FARP1: variants seen among roughly 807,000 people sequenced by gnomAD.
The protein encoded by FARP1 is FERM, ARH/RhoGEF and pleckstrin domain protein 1.
FARP1 carries 52 observed loss-of-function variants against 128.8 expected under a neutral mutation model. The ratio of observed to expected loss-of-function variants is 0.40; its 90% CI spans 0.32 to 0.51. The LOEUF (loss-of-function observed/expected upper bound fraction) is 0.51. Among genes scored for constraint, FARP1 ranks in the 20% least tolerant of loss-of-function variants. FARP1 has a pLI of 0.45. For missense variants in FARP1, 1,333 were observed against 1,367.9 expected (o/e 0.97, Z 0.40); for synonymous variants, 580 against 551.8 (o/e 1.05, Z -0.72).
chr13:98,331,182 C>A (rs1887493465), intron 2 of FARP1, among the ~76,000 whole-genome samples: 1 of 152,190 alleles, frequency 6.6e-6, no homozygotes, highest in African/African-American at 2.4e-5. Context: ...CTTAGTAATT[C>A]ATAATCTTTT....
intron 5 of FARP1, among the ~76,000 whole-genome samples, chr13:98,369,353 C>CTTTT (rs35605642): frequency 7.2e-6 from 1 of 139,106 alleles, no homozygotes; most frequent in African/African-American, 2.7e-5. Flanking sequence ...CAGCCTAATT[C>CTTTT]TTTTTTTTTT....
Position 98,395,390 on chromosome 13 carries a change from C to A in FARP1, c.1328C>A (p.Ala443Asp), listed in dbSNP as rs1890486163. The part of the protein sequence containing the change: ...SPAGNKQADG[A>D]ASAPTEEEEE... ...GCGGGTAACAAGCAGGCGGACGGAG[C>A]CGCCTCGGCGCCCACGGAGGAAGAG... The change falls in exon 13 of 27, where the codon GCC becomes GAC. Residue 443 changes from alanine (A) to aspartate (D), a missense_variant. Ala to Asp is a moderately radical substitution (Grantham distance 126, BLOSUM62 -2). Around this residue, in one of 2 missense-constraint regions of FARP1, gnomAD observed 1,009 missense variants for 969.8 expected, o/e 1.04. Coordinates refer to ENST00000319562, the MANE Select transcript of FARP1 (RefSeq NM_005766.4). The A allele has an allele frequency of 1.2e-6, 2 of 1,611,688 alleles. No homozygotes were observed. The highest frequency in any genetic ancestry group is 8.5e-7 in the Non-Finnish European group (1 of 1,179,042).
At chr13:98,182,920 A>G (rs547101434) in intron 1 of FARP1, among the ~76,000 whole-genome samples, 6 of 152,244 alleles carry the variant, frequency 3.9e-5, no homozygotes, top group African/African-American at 1.4e-4. Context: ...TTCTTTTTGA[A>G]GTTTAGAGTT....
Position 98,440,677 on chromosome 13 carries a change from TGATGAAGC to T in FARP1, c.2638_2645del (p.Asp880HisfsTer4), listed in dbSNP as rs1209994832. 1 of 1,612,380 alleles carries T rather than the reference TGATGAAGC, an allele frequency of 6.2e-7. No homozygotes were observed. The highest frequency in any genetic ancestry group is 1.7e-5 in the Admixed American group (1 of 59,664). On this transcript the variant is annotated frameshift_variant, in exon 24 of 27. Transcript: ENST00000319562. LOFTEE classifies it high-confidence loss of function. ...TTTTGCCCCATCCTGTAGAGTCCCCTGATGAAGCCACCGCGGCTGACCAGGAGTCAGAG... is the reference window on the plus strand; with the variant it reads ...TTTTGCCCCATCCTGTAGAGTCCCCTCACCGCGGCTGACCAGGAGTCAGAG...
At chr13:98,187,527 C>T (rs550425172) in intron 1 of FARP1, among the ~76,000 whole-genome samples, 6 of 152,088 alleles carry the variant, frequency 3.9e-5, no homozygotes, top group Non-Finnish European at 5.9e-5. Context: ...AGGAAGGGGG[C>T]TCTGTGTCCT....
chr13:98,406,814 T>C (rs1351046352), intron 13 of FARP1: 1 of 152,354 alleles, frequency 6.6e-6, no homozygotes, highest in Non-Finnish European at 1.5e-5. Context: ...CCATAGTCTG[T>C]TACCTCATTT....
chr13:98,188,357 G>T (rs1289256541), intron 1 of FARP1, among the ~76,000 whole-genome samples: 2 of 152,052 alleles, frequency 1.3e-5, no homozygotes, highest in Non-Finnish European at 2.9e-5. Context: ...TTCGAGACCA[G>T]CCTGACCAAC....
Position 98,356,336 on chromosome 13 carries a change from A to G in FARP1, c.277-9059A>G, listed in dbSNP as rs72632681. Among the ~76,000 whole-genome samples, 78 of 152,276 alleles carry G rather than the reference A, an allele frequency of 5.1e-4. 1 individual carries two copies. The East Asian group carries it at 0.013, about 25-fold the overall frequency. ...GTAAGTACGGTTGTCTCTATAGCAT[A>G]TTACTGAACTGAATACAATAGGCAA... On this transcript the variant is annotated intron_variant, in intron 3 of 26. Coordinates refer to ENST00000319562, the MANE Select transcript of FARP1 (RefSeq NM_005766.4).
At chr13:98,422,846 A>G (rs1244407346) in intron 16 of FARP1, among the ~76,000 whole-genome samples, 1 of 152,194 alleles carries the variant, frequency 6.6e-6, no homozygotes, top group Non-Finnish European at 1.5e-5. Flanking sequence ...GTTCTTAGCC[A>G]CCATATCTGT....
chr13:98,182,261 G>GT (rs34992049), intron 1 of FARP1, among the ~76,000 whole-genome samples: 50 of 151,694 alleles, frequency 3.3e-4, no homozygotes, highest in Admixed American at 1.4e-3. Context: ...TCTTTTTACT[G>GT]TTTTTTTTTA....
chr13:98,313,913 C>A (rs1203369348), intron 2 of FARP1, among the ~76,000 whole-genome samples: 1 of 152,218 alleles, frequency 6.6e-6, no homozygotes, highest in Non-Finnish European at 1.5e-5. Flanking sequence ...AAACCCACCA[C>A]CTTGCAAGTC....
chr13:98,287,476 A>G (rs767315214), intron 2 of FARP1, among the ~76,000 whole-genome samples: 57 of 151,748 alleles, frequency 3.8e-4, no homozygotes, highest in Non-Finnish European at 7.5e-4. Flanking sequence ...TGATCCGCCC[A>G]TCTCAGCCTC....
chr13:98,395,064 G>C (rs1890465767), intron 12 of FARP1, among the ~76,000 whole-genome samples, 163 bp from the exon 13 acceptor site: 1 of 152,218 alleles, frequency 6.6e-6, no homozygotes, highest in Non-Finnish European at 1.5e-5. Context: ...ATCATGCCCA[G>C]ATGTGCCTCC....
chr13:98,165,758 T>C (rs1384231730), intron 1 of FARP1, among the ~76,000 whole-genome samples: 1 of 125,904 alleles, frequency 7.9e-6, no homozygotes, highest in Non-Finnish European at 1.6e-5. Flanking sequence ...CACTCTGTCA[T>C]GCAGGCTGGA....
Position 98,176,154 on chromosome 13 carries a change from G to C in FARP1, c.-24+32662G>C. ...TTCTCCCCAGTGTACATACAGACTT[G>C]AGTCTTTCTTATCTCTTTTTTCCTA... On this transcript the variant is annotated intron_variant, in intron 1 of 26. Coordinates refer to ENST00000319562, the MANE Select transcript of FARP1 (RefSeq NM_005766.4). The surrounding 1 kb of genome is among the most constrained non-coding windows in gnomAD (Gnocchi z 6.2). The C allele has an allele frequency of 1.2e-6, 2 of 1,606,576 alleles. No individual in the cohort carries two copies.
chr13:98,408,086 G>C (rs146406094), intron 13 of FARP1, among the ~76,000 whole-genome samples: 19 of 152,226 alleles, frequency 1.2e-4, no homozygotes, highest in African/African-American at 4.6e-4. Context: ...TCCTTATCAT[G>C]GTAGTAGACA....
At chr13:98,203,819 T>C (rs1009487569) in intron 1 of FARP1, 1 of 152,322 alleles carries the variant, frequency 6.6e-6, no homozygotes, top group South Asian at 2.1e-4. Flanking sequence ...GCCAAACTTA[T>C]GATTACAATT....
chr13:98,304,254 T>G (rs1594377950), intron 2 of FARP1, among the ~76,000 whole-genome samples: 2 of 152,024 alleles, frequency 1.3e-5, no homozygotes, highest in Admixed American at 1.3e-4. Context: ...GGTAATGGAG[T>G]GTAGGACTTC....
intron 2 of FARP1, among the ~76,000 whole-genome samples, chr13:98,220,505 A>G (rs1881354726): frequency 6.6e-6 from 1 of 152,022 alleles, no homozygotes; most frequent in South Asian, 2.1e-4. Context: ...GGCTCCTTTT[A>G]TTTGCAAAGT....
Sources: gnomAD v4.1 joint callset for allele counts (sites outside exome capture counted in the v4.1 genomes callset) on GRCh38, gnomAD v4.1.1 for gene constraint, gnomAD v4.1.1 regional missense constraint, Gnocchi (gnomAD v3.1) non-coding constraint, MANE v1.5 for transcripts, NCBI Gene and HGNC (gene_info 2026-07-23, HGNC 2026-07-21) for gene names.